Variants in PCDH15 observed in about 807,000 individuals in gnomAD.
PCDH15 encodes protocadherin-15.
PCDH15 carries 129 observed loss-of-function variants against 178.5 expected under a neutral mutation model. The ratio of observed to expected loss-of-function variants is 0.72; its 90% confidence interval spans 0.63 to 0.84. The LOEUF (loss-of-function observed/expected upper bound fraction) is 0.84. Among genes scored for constraint, PCDH15 ranks in the 40% least tolerant of loss-of-function variants. The probability of loss-of-function intolerance (pLI) is 0.00; values close to 1 mark genes in which losing one functional copy is unlikely to be tolerated. For missense variants in PCDH15, 2,230 were observed against 2,099.9 expected, an observed-to-expected ratio of 1.06 and a Z score of -1.21; for synonymous variants, 800 against 732.0, an observed-to-expected ratio of 1.09 and a Z score of -1.50.
intron 2 of PCDH15, among the ~76,000 whole-genome samples, chr10:55,133,909 A>T (rs1203107579): frequency 6.6e-6 from 1 of 152,104 alleles, no homozygotes; most frequent in African/African-American, 2.4e-5. Flanking sequence ...TCCAACCGGC[A>T]TCATTACTCA....
At chr10:54,831,057 G>T (rs896871549) in intron 3 of PCDH15, among the ~76,000 whole-genome samples, 4 of 152,014 alleles carry the variant, frequency 2.6e-5, no homozygotes, top group African/African-American at 7.2e-5. Flanking sequence ...ACTCTTGGAA[G>T]AACTAGGTCA....
intron 1 of PCDH15, among the ~76,000 whole-genome samples, chr10:55,221,897 C>T (rs1440802115): frequency 1.3e-5 from 2 of 149,466 alleles, no homozygotes; most frequent in East Asian, 2.0e-4. Flanking sequence ...AATGGAGTCT[C>T]ACTCTGTCGC....
intron 3 of PCDH15, among the ~76,000 whole-genome samples, chr10:54,825,265 G>T (rs2133745046): frequency 6.6e-6 from 1 of 151,514 alleles, no homozygotes; most frequent in Middle Eastern, 3.4e-3. Context: ...TCTTAATCCA[G>T]TCTATCATTG....
chr10:54,412,556 A>G (rs1953700011), intron 3 of PCDH15, among the ~76,000 whole-genome samples: 1 of 152,144 alleles, frequency 6.6e-6, no homozygotes, highest in African/African-American at 2.4e-5. Flanking sequence ...TATTATGCCT[A>G]TTAAGGGTGA....
chr10:54,092,220 A>G (rs567739642), intron 15 of PCDH15, among the ~76,000 whole-genome samples: 5 of 152,168 alleles, frequency 3.3e-5, no homozygotes, highest in South Asian at 2.1e-4. Flanking sequence ...AGCAGATCCC[A>G]CCAGATTTAC....
chr10:55,359,203 A>G (rs1303476726), intron 2 of PCDH15, among the ~76,000 whole-genome samples: 1 of 151,960 alleles, frequency 6.6e-6, no homozygotes, highest in African/African-American at 2.4e-5. Flanking sequence ...TTTCAAAAAA[A>G]AAAGTAAAAT....
At chr10:55,503,859 CTAAA>C in intron 2 of PCDH15, among the ~76,000 whole-genome samples, 1 of 151,440 alleles carries the variant, frequency 6.6e-6, no homozygotes. Flanking sequence ...GTTTACATAA[CTAAA>C]TATATTTTTA....
At chr10:55,245,793 ATGAT>A (rs375825571) in intron 1 of PCDH15, among the ~76,000 whole-genome samples, 110 of 152,312 alleles carry the variant, frequency 7.2e-4, no homozygotes, top group Non-Finnish European at 1.1e-3. Flanking sequence ...CCAGCACTCT[ATGAT>A]AGATAGCATA....
intron 1 of PCDH15, among the ~76,000 whole-genome samples, chr10:55,315,392 T>G (rs1283753641): frequency 6.6e-6 from 1 of 152,174 alleles, no homozygotes; most frequent in African/African-American, 2.4e-5. Flanking sequence ...TTAATTCAAG[T>G]GCTGTAGATG....
At chr10:54,782,121 G>T (rs532125468) in intron 1 of PCDH15, among the ~76,000 whole-genome samples, 1 of 152,120 alleles carries the variant, frequency 6.6e-6, no homozygotes, top group African/African-American at 2.4e-5. Context: ...ATGCAGAACA[G>T]CTGATTTAGT....
chr10:55,436,547 T>C (rs946174227), intron 2 of PCDH15, among the ~76,000 whole-genome samples: 9 of 152,112 alleles, frequency 5.9e-5, no homozygotes, highest in African/African-American at 1.2e-4. Flanking sequence ...TTCCAGAGAA[T>C]TCCTTACTGA....
At chr10:54,383,973 CACAA>C (rs1206496116) in intron 3 of PCDH15, among the ~76,000 whole-genome samples, 1 of 148,752 alleles carries the variant, frequency 6.7e-6, no homozygotes, top group East Asian at 2.0e-4. Flanking sequence ...CACCTGCCAC[CACAA>C]ACAGTTAATT....
At chr10:54,957,124 A>G (rs2131880240) in intron 2 of PCDH15, among the ~76,000 whole-genome samples, 1 of 151,796 alleles carries the variant, frequency 6.6e-6, no homozygotes, top group African/African-American at 2.4e-5. Context: ...TCAGTTTTCT[A>G]ACTATCATGT....
intron 2 of PCDH15, among the ~76,000 whole-genome samples, chr10:55,002,611 G>C (rs940989291): frequency 7.4e-5 from 1 of 13,588 alleles, no homozygotes; most frequent in Non-Finnish European, 1.8e-4. Flanking sequence ...GCCAAATCTT[G>C]AGCATTGACA....
At chr10:55,191,776 T>C (rs1839950276) in intron 1 of PCDH15, among the ~76,000 whole-genome samples, 1 of 151,834 alleles carries the variant, frequency 6.6e-6, no homozygotes, top group African/African-American at 2.4e-5. Context: ...CCAACTATTG[T>C]TTTCAGTAGC....
At chr10:55,208,213 T>C (rs1002423522) in intron 1 of PCDH15, among the ~76,000 whole-genome samples, 1 of 152,068 alleles carries the variant, frequency 6.6e-6, no homozygotes, top group Non-Finnish European at 1.5e-5. Context: ...TGGAAGAACA[T>C]TTGTTGCCCA....
At chr10:54,613,493 T>TCACACACACACACACACA (rs1164192874) in intron 2 of PCDH15, among the ~76,000 whole-genome samples, 36 of 144,172 alleles carry the variant, frequency 2.5e-4, no homozygotes, top group African/African-American at 8.8e-4. Context: ...TGTCTCTCTC[T>TCACACACACACACACACA]CACACACACA....
intron 2 of PCDH15, among the ~76,000 whole-genome samples, chr10:55,515,386 T>C (rs1426520299): frequency 6.6e-6 from 1 of 152,100 alleles, no homozygotes; most frequent in East Asian, 1.9e-4. Context: ...AAGGCTACAT[T>C]TATTTCCCAT....
intron 2 of PCDH15, among the ~76,000 whole-genome samples, chr10:55,440,917 C>T (rs112568230): frequency 0.019 from 2,877 of 152,188 alleles, 92 homozygotes; most frequent in African/African-American, 0.065. Flanking sequence ...CCATATAAAA[C>T]CATTAGATCT....
Sources: gnomAD v4.1 joint callset for allele counts (sites outside exome capture counted in the v4.1 genomes callset) on GRCh38, gnomAD v4.1.1 for gene constraint, MANE v1.5 for transcripts, NCBI Gene and HGNC (gene_info 2026-07-23, HGNC 2026-07-21) for gene names.